The following SYNE1 variants were observed in gnomAD, a reference collection of about 807,000 sequenced individuals.
SYNE1 encodes the protein nesprin-1.
SYNE1 carries 616 observed loss-of-function variants against 1,111.0 expected under a neutral mutation model. That is an observed-to-expected ratio of 0.55 (90% confidence interval 0.52 to 0.59). The LOEUF (loss-of-function observed/expected upper bound fraction) is 0.59. Ranked by LOEUF, SYNE1 falls within the 20% of genes least tolerant of loss-of-function variation. The pLI is 0.00. For synonymous variants in SYNE1, 3,855 were observed against 3,825.8 expected, an observed-to-expected ratio of 1.01 and a Z score of -0.28; for missense variants, 10,006 against 10,417.0, an observed-to-expected ratio of 0.96 and a Z score of 1.72.
At chr6:152,540,705 G>C (rs2099265173) in intron 3 of SYNE1, among the ~76,000 whole-genome samples, 1 of 152,204 alleles carries the variant, frequency 6.6e-6, no homozygotes, top group Admixed American at 6.5e-5. Flanking sequence ...TAGCTGACTG[G>C]AGTGAGAGAT....
chr6:152,408,870 C>T (rs1412611903), intron 44 of SYNE1, among the ~76,000 whole-genome samples, 198 bp downstream of exon 44: 3 of 151,726 alleles, frequency 2.0e-5, no homozygotes, highest in Non-Finnish European at 4.4e-5. Flanking sequence ...AGGAGAATCG[C>T]TTGAAGCCAG....
chr6:152,563,406 T>C (rs900403069), intron 3 of SYNE1, among the ~76,000 whole-genome samples: 1 of 152,168 alleles, frequency 6.6e-6, no homozygotes, highest in Non-Finnish European at 1.5e-5. Flanking sequence ...ACAGTGCTCA[T>C]ATCGATTTAT....
intron 21 of SYNE1, among the ~76,000 whole-genome samples, chr6:152,460,640 C>T (rs896578163): frequency 6.6e-5 from 10 of 152,114 alleles, no homozygotes; most frequent in African/African-American, 2.4e-4. Flanking sequence ...ATTTTGCAAA[C>T]AATACCATCT....
chr6:152,202,846 C>T (rs78473889), intron 126 of SYNE1, among the ~76,000 whole-genome samples: 1,642 of 152,124 alleles, frequency 0.011, 19 homozygotes, highest in Non-Finnish European at 0.015. Context: ...GCATTTTTGA[C>T]TGGCTTTATC....
intron 39 of SYNE1, among the ~76,000 whole-genome samples, chr6:152,425,100 C>G (rs1446483846): frequency 6.6e-6 from 1 of 152,128 alleles, no homozygotes; most frequent in Non-Finnish European, 1.5e-5. Flanking sequence ...ACAGCTTAAG[C>G]AATAAATAAT....
At chr6:152,509,256 T>C (rs1247295883) in intron 8 of SYNE1, among the ~76,000 whole-genome samples, 10 of 143,962 alleles carry the variant, frequency 6.9e-5, no homozygotes, top group Admixed American at 4.2e-4. Flanking sequence ...TTCTTTTTTT[T>C]TTTTTTTTTT....
chr6:152,382,001 T>C (rs1481381005), intron 55 of SYNE1, among the ~76,000 whole-genome samples: 1 of 152,190 alleles, frequency 6.6e-6, no homozygotes, highest in Non-Finnish European at 1.5e-5. Context: ...TTTTTTTACC[T>C]TAAAAAAGTC....
intron 39 of SYNE1, among the ~76,000 whole-genome samples, chr6:152,424,274 C>T (rs1254046908): frequency 2.0e-5 from 3 of 152,210 alleles, no homozygotes; most frequent in African/African-American, 7.2e-5. Context: ...ACTGTTAAAT[C>T]AGCTTTCACA....
In SYNE1 at chr6:152,278,045, A is replaced by G. The variant is rs562989278; in HGVS notation, c.18573+44T>C. The stretch of plus-strand genomic sequence containing the variant: ...CAAACCTTAGAAGGAGCACGTGAAC[A>G]GTGTGCCAACTTTCAGCTGTGGGCC... On this transcript the variant is annotated intron_variant, in intron 98 of 145. Transcript: ENST00000367255. 6.8e-6 allele frequency: 11 copies of G among 1,607,362 alleles called. No homozygotes were observed. The African/African-American group carries it at 1.2e-4, about 18-fold the overall frequency.
At position 152,628,327 on chromosome 6, in the gene SYNE1, G is replaced by A. The variant is rs780988227; in HGVS notation, c.5C>T (p.Ala2Val). The A allele has an allele frequency of 8.7e-5, 141 of 1,614,040 alleles. 2 individuals carry two copies. Reference sequence around the variant, plus strand: ...ACACCGGGAGGCCCCTCTGGAGGTTGCCATGGTCCCTCCGGAAGCACGAAG... The same window carrying A: ...ACACCGGGAGGCCCCTCTGGAGGTTACCATGGTCCCTCCGGAAGCACGAAG... Reference protein sequence around the residue: MATSRGASRCPR... With the variant: MVTSRGASRCPR... The change falls in exon 3 of 146, where the codon GCA becomes GTA. Residue 2 changes from alanine (A) to valine (V), a missense_variant. Ala to Val is a moderately conservative substitution (Grantham distance 64, BLOSUM62 0). Around this residue, in one of 7 missense-constraint regions of SYNE1, gnomAD observed 1,971 missense variants for 2,084.1 expected, o/e 0.95. Coordinates refer to ENST00000367255, the MANE Select transcript of SYNE1 (RefSeq NM_182961.4).
chr6:152,239,473 A>C, intron 108 of SYNE1, 60 bp downstream of exon 108: 1 of 1,602,794 alleles, frequency 6.2e-7, no homozygotes, highest in Non-Finnish European at 8.5e-7. Context: ...ATCTTGCATT[A>C]AAGGTCTATT....
chr6:152,136,731 C>G lies in SYNE1; in HGVS notation c.25546G>C (p.Glu8516Gln), dbSNP rs1184598043. The G allele has an allele frequency of 1.9e-6, 3 of 1,614,238 alleles. No individual in the cohort carries two copies. Among genetic ancestry groups the G allele is most frequent in the Non-Finnish European group, 2.5e-6 (3 of 1,180,060 alleles). The change falls in exon 141 of 146, where the codon GAG becomes CAG. Residue 8516 changes from glutamate to glutamine, a missense_variant. By Grantham distance (29) the Glu-to-Gln change is conservative. Transcript: ENST00000367255. ...AAGCGATCCTGCAGGTCCCGGCTCTCCTTGCTGTCAGCCTGGGTGAACTCA... is the reference window on the plus strand; with the variant it reads ...AAGCGATCCTGCAGGTCCCGGCTCTGCTTGCTGTCAGCCTGGGTGAACTCA... ...SPEFTQADSK[E>Q]SRDLQDRLSQ...
Position 152,244,458 on chromosome 6 carries a change from A to T in SYNE1, c.19692+79T>A, listed in dbSNP as rs960412433. 1.0e-5 allele frequency: 16 copies of T among 1,606,380 alleles called. No homozygotes were observed. The Admixed American group carries it at 1.5e-4, about 15-fold the overall frequency. On this transcript the variant is annotated intron_variant, in intron 106 of 145. Coordinates refer to ENST00000367255, the MANE Select transcript of SYNE1 (RefSeq NM_182961.4). ...TGGCGTGAATTTTATAAAGAAAGCC[A>T]AGAAAAATAAAGTGATTTTTTCTAG...
At position 152,539,950 on chromosome 6, in the gene SYNE1, TTTCC is replaced by T; in HGVS notation, c.129+6_129+9del. The T allele has an allele frequency of 1.2e-6, 2 of 1,613,900 alleles. No individual in the cohort carries two copies. Among genetic ancestry groups the T allele is most frequent in the Non-Finnish European group, 1.7e-6 (2 of 1,179,854 alleles). On this transcript the variant is annotated splice_donor_region_variant and intron_variant, in intron 4 of 145. Transcript: ENST00000367255. ...TAAGTAAACCTGTAATGCTGGGTAG[TTTCC>T]TTTACCTTGGCCAGATGAGAGTTGA... is the stretch of plus-strand genomic sequence containing the variant.
intron 93 of SYNE1, among the ~76,000 whole-genome samples, chr6:152,297,986 A>T (rs1040767283): frequency 4.6e-5 from 7 of 152,174 alleles, no homozygotes; most frequent in African/African-American, 1.7e-4. Flanking sequence ...ATAACTACTA[A>T]AGTCAATACT....
Position 152,564,635 on chromosome 6 carries a change from A to G in SYNE1, c.68-24614T>C, listed in dbSNP as rs144540964. The stretch of plus-strand genomic sequence containing the variant: ...CCTGGACAGGAACGTTTATTATAAC[A>G]TCAAATTTGTTAACCCCCAAAAGTT... On this transcript the variant is annotated intron_variant, in intron 3 of 145. Coordinates refer to ENST00000367255, the MANE Select transcript of SYNE1 (RefSeq NM_182961.4). 2.0e-5 allele frequency among the ~76,000 whole-genome samples: 3 copies of G among 152,258 alleles called. No individual in the cohort carries two copies. In the East Asian group the frequency reaches 5.8e-4, roughly 29 times the overall value.
At chr6:152,280,470 A>G (rs2093964507) in intron 97 of SYNE1, among the ~76,000 whole-genome samples, 1 of 151,904 alleles carries the variant, frequency 6.6e-6, no homozygotes, top group Admixed American at 6.6e-5. Flanking sequence ...ATCTAGTGCT[A>G]GTGTATTTTA....
At chr6:152,269,862 T>C (rs1237343834) in intron 98 of SYNE1, among the ~76,000 whole-genome samples, 1 of 152,202 alleles carries the variant, frequency 6.6e-6, no homozygotes, top group Non-Finnish European at 1.5e-5. Flanking sequence ...CTCTCTGGAA[T>C]TCAGTAAGAA....
At chr6:152,180,772 G>T (rs919417017) in intron 128 of SYNE1, among the ~76,000 whole-genome samples, 1 of 152,148 alleles carries the variant, frequency 6.6e-6, no homozygotes, top group Non-Finnish European at 1.5e-5. Context: ...TGAGCCTCAG[G>T]TATCTAGAGA....
Sources: gnomAD v4.1 joint callset for allele counts (sites outside exome capture counted in the v4.1 genomes callset) on GRCh38, gnomAD v4.1.1 for gene constraint, gnomAD v4.1.1 regional missense constraint, MANE v1.5 for transcripts, NCBI Gene and HGNC (gene_info 2026-07-23, HGNC 2026-07-21) for gene names.